RNF145: variants seen among roughly 807,000 people sequenced by gnomAD.
RNF145 encodes the protein ring finger protein 145.
In RNF145, 12 loss-of-function variants were observed where a neutral mutation model predicts 57.3. That is an observed-to-expected ratio of 0.21 (90% CI 0.13 to 0.34). The LOEUF (loss-of-function observed/expected upper bound fraction) is 0.34. Ranked by LOEUF, RNF145 falls within the 10% of genes least tolerant of loss-of-function variation. The pLI is 1.00. For synonymous variants in RNF145, 262 were observed against 288.3 expected (o/e 0.91, Z 0.92); for missense variants, 429 against 799.0 (o/e 0.54, Z 5.58).
rs1330991287 is a variant in RNF145, at chr5:159,158,450, T to C, written c.*220A>G. On this transcript the variant is annotated 3_prime_UTR_variant, in exon 11 of 11. Coordinates refer to ENST00000424310, the MANE Select transcript of RNF145 (RefSeq NM_001199383.2). ...CTCTATAAAACATCAGCAGAGAACATATAAATACATTTTGATTAGCATACA... is the reference window on the plus strand; with the variant it reads ...CTCTATAAAACATCAGCAGAGAACACATAAATACATTTTGATTAGCATACA... 1.6e-5 allele frequency: 9 copies of C among 571,094 alleles called. No homozygotes were observed. The highest frequency in any genetic ancestry group is 2.5e-5 in the Non-Finnish European group (8 of 325,466). The allele number at this position is 571,094 out of a possible 1,614,324, so 35.4% of individuals were successfully genotyped here.
At chr5:159,207,314 TTTTA>T (rs1032604326) in intron 1 of RNF145, among the ~76,000 whole-genome samples, 1 of 152,288 alleles carries the variant, frequency 6.6e-6, no homozygotes, top group South Asian at 2.1e-4. Context: ...AAATGTGATT[TTTTA>T]TTTCTCTTAT....
intron 2 of RNF145, among the ~76,000 whole-genome samples, chr5:159,198,256 TA>T (rs1785528778): frequency 6.7e-6 from 1 of 150,240 alleles, no homozygotes; most frequent in African/African-American, 2.4e-5. Flanking sequence ...AATAAATAAA[TA>T]AATAAATAAA....
chr5:159,171,750 T>C (rs1230107501), intron 6 of RNF145, among the ~76,000 whole-genome samples: 1 of 152,188 alleles, frequency 6.6e-6, no homozygotes, highest in Admixed American at 6.5e-5. Context: ...TCTAAATAAG[T>C]TGTTTTTTTG....
intron 3 of RNF145, among the ~76,000 whole-genome samples, chr5:159,184,235 ATTGT>A (rs1284141595): frequency 6.6e-6 from 1 of 152,336 alleles, no homozygotes; most frequent in East Asian, 1.9e-4. Context: ...ACATTTGTTA[ATTGT>A]TCTGCATTTT....
chr5:159,162,917 T>C lies in RNF145; in HGVS notation c.1269+15A>G, dbSNP rs761238084. 4 of 1,575,510 alleles carry C rather than the reference T, an allele frequency of 2.5e-6. No individual in the cohort carries two copies. Among genetic ancestry groups the C allele is most frequent in the Non-Finnish European group, 3.4e-6 (4 of 1,168,178 alleles). ...AAATTGGTTATTATATAGAGTTAAT[T>C]AATCATAGGCTTACCTGAAGAGAGG... On this transcript the variant is annotated intron_variant, in intron 9 of 10. Transcript: ENST00000424310.
intron 3 of RNF145, among the ~76,000 whole-genome samples, chr5:159,183,619 T>A (rs935876261): frequency 2.0e-5 from 3 of 152,214 alleles, no homozygotes; most frequent in African/African-American, 7.2e-5. Flanking sequence ...TAAATAGTAT[T>A]AATACAAAGT....
At chr5:159,159,104 G>T in intron 10 of RNF145, 69 bp from the exon 11 acceptor site, 1 of 1,433,392 alleles carries the variant, frequency 7.0e-7, no homozygotes. Context: ...TATCCCCAAA[G>T]TTCTGGTTCT....
At position 159,157,769 on chromosome 5, in the gene RNF145, A is replaced by G. The variant is rs1164489130; in HGVS notation, c.*901T>C. On this transcript the variant is annotated 3_prime_UTR_variant, in exon 11 of 11. Transcript: ENST00000424310. ...TCATTCCCAAAGTGCAAATATTGCC[A>G]TAATTTAACACTGTTTTGATTCAGT... 6.5e-6 allele frequency: 1 copy of G among 152,776 alleles called. No homozygotes were observed. The highest frequency in any genetic ancestry group is 1.9e-4 in the East Asian group (1 of 5,338). 9.5% of individuals were successfully genotyped at this position (152,776 alleles called of 1,614,324 possible). A position where few individuals can be genotyped will look rare whatever the true frequency, so the allele number is the denominator to read the frequency against.
chr5:159,170,332 T>C lies in RNF145; in HGVS notation c.798-513A>G, dbSNP rs80282632. On this transcript the variant is annotated intron_variant, in intron 6 of 10. Coordinates refer to ENST00000424310, the MANE Select transcript of RNF145 (RefSeq NM_001199383.2). ...TACTACTGCTATTTTTAAATTTAGG[T>C]TGAGACAAAGGCATTTTTTAAAAAA... is the stretch of plus-strand genomic sequence containing the variant. Among the ~76,000 whole-genome samples the C allele has an allele frequency of 2.2e-3, 338 of 152,328 alleles. 1 individual carries two copies. The highest frequency in any genetic ancestry group is 7.0e-3 in the African/African-American group (289 of 41,580).
chr5:159,209,851 A>AGAG, upstream of RNF145: 1 of 1,535,462 alleles, frequency 6.5e-7, no homozygotes, highest in Non-Finnish European at 8.7e-7. Flanking sequence ...ACCCACACTC[A>AGAG]CCTGCAGGGA....
At chr5:159,193,583 A>C (rs1785357517) in intron 3 of RNF145, among the ~76,000 whole-genome samples, 1 of 152,106 alleles carries the variant, frequency 6.6e-6, no homozygotes, top group Admixed American at 6.5e-5. Flanking sequence ...TATTTTAAAA[A>C]CTGAAATAAA....
intron 3 of RNF145, among the ~76,000 whole-genome samples, chr5:159,191,155 G>A (rs2113199432): frequency 6.6e-6 from 1 of 151,564 alleles, no homozygotes; most frequent in East Asian, 1.9e-4. Flanking sequence ...TGCATTCAAA[G>A]CCATCCTGGG....
intron 3 of RNF145, among the ~76,000 whole-genome samples, chr5:159,194,391 C>T (rs1294815017): frequency 2.0e-5 from 3 of 152,074 alleles, no homozygotes; most frequent in Admixed American, 6.6e-5. Flanking sequence ...AGGCTGGTCC[C>T]GAACTCCTGA....
intron 8 of RNF145, among the ~76,000 whole-genome samples, chr5:159,166,190 G>T (rs1784388752): frequency 6.6e-6 from 1 of 152,076 alleles, no homozygotes; most frequent in Non-Finnish European, 1.5e-5. Flanking sequence ...GAATGATGCT[G>T]AACTTCTCTT....
intron 3 of RNF145, among the ~76,000 whole-genome samples, chr5:159,194,474 G>A (rs964907001): frequency 2.6e-5 from 4 of 152,114 alleles, no homozygotes; most frequent in African/African-American, 9.7e-5. Flanking sequence ...CCAGTTCAAG[G>A]ATATCTTTAT....
At chr5:159,198,277 A>G (rs1785530727) in intron 2 of RNF145, among the ~76,000 whole-genome samples, 1 of 137,238 alleles carries the variant, frequency 7.3e-6, no homozygotes, top group Non-Finnish European at 1.6e-5. Flanking sequence ...ATAAATAAAT[A>G]AAAGAAATAA....
At chr5:159,175,294 A>C (rs1030902569) in intron 5 of RNF145, among the ~76,000 whole-genome samples, 1 of 152,064 alleles carries the variant, frequency 6.6e-6, no homozygotes, top group Admixed American at 6.6e-5. Flanking sequence ...CATTCAAGAA[A>C]CAGACCACTA....
chr5:159,174,515 T>G (rs1425686181), intron 5 of RNF145, among the ~76,000 whole-genome samples: 2 of 152,084 alleles, frequency 1.3e-5, no homozygotes, highest in East Asian at 1.9e-4. Context: ...AGGACTAGCA[T>G]GAATTGATAC....
intron 1 of RNF145, among the ~76,000 whole-genome samples, chr5:159,204,827 A>AAAAAAAG (rs147292059): frequency 4.7e-5 from 5 of 105,668 alleles, no homozygotes; most frequent in Admixed American, 1.1e-4. Flanking sequence ...AAAAAAAAAA[A>AAAAAAAG]GCAAACAAAA....
Sources: gnomAD v4.1 joint callset for allele counts (sites outside exome capture counted in the v4.1 genomes callset) on GRCh38, gnomAD v4.1.1 for gene constraint, MANE v1.5 for transcripts, NCBI Gene and HGNC (gene_info 2026-07-23, HGNC 2026-07-21) for gene names.